Variants in OTUD7B observed in about 807,000 individuals in gnomAD.
OTUD7B encodes the protein OTU deubiquitinase 7B, also known as OTU domain-containing protein 7B.
A neutral mutation model predicts 82.2 loss-of-function variants in OTUD7B; 34 were observed. The observed-to-expected ratio is 0.41, with a 90% CI of 0.31 to 0.55. The LOEUF (loss-of-function observed/expected upper bound fraction) is 0.55. OTUD7B is among the 20% of genes least tolerant of loss of function. The probability of loss-of-function intolerance (pLI) is 0.20; values close to 1 mark genes in which losing one functional copy is unlikely to be tolerated. For synonymous variants in OTUD7B, 398 were observed against 402.7 expected, an observed-to-expected ratio of 0.99 and a Z score of 0.14; for missense variants, 944 against 1,062.1, an observed-to-expected ratio of 0.89 and a Z score of 1.55.
At chr1:149,983,228 G>A (rs11205308) in intron 1 of OTUD7B, among the ~76,000 whole-genome samples, 18,040 of 152,018 alleles carry the variant, frequency 0.12, 1,670 homozygotes, top group African/African-American at 0.26. Flanking sequence ...TAATTCAACA[G>A]AAGTATTTGG....
At chr1:149,983,097 C>T (rs1467478977) in intron 1 of OTUD7B, among the ~76,000 whole-genome samples, 2 of 152,076 alleles carry the variant, frequency 1.3e-5, no homozygotes, top group Non-Finnish European at 2.9e-5. Flanking sequence ...CCTCGTGATC[C>T]ACCCGCCTTG....
intron 1 of OTUD7B, among the ~76,000 whole-genome samples, chr1:150,000,796 G>A (rs1301819493): frequency 6.6e-6 from 1 of 151,868 alleles, no homozygotes; most frequent in Non-Finnish European, 1.5e-5. Context: ...CTGGTCAATA[G>A]GGCAAAACTC....
the OTUD7B span, among the ~76,000 whole-genome samples, chr1:150,024,144 A>G: frequency 6.6e-6 from 1 of 152,238 alleles, no homozygotes; most frequent in African/African-American, 2.4e-5. Context: ...ACAAGGTGGA[A>G]TAAATATTCC....
At chr1:150,041,427 C>A in the OTUD7B span, among the ~76,000 whole-genome samples, 1 of 151,990 alleles carries the variant, frequency 6.6e-6, no homozygotes, top group African/African-American at 2.4e-5. Flanking sequence ...CCGCCTCCCG[C>A]GTTCAAGCGA....
chr1:149,977,321 C>G, intron 2 of OTUD7B, 105 bp downstream of exon 2: 1 of 822,068 alleles, frequency 1.2e-6, no homozygotes, highest in Non-Finnish European at 2.1e-6. Context: ...TAGGGCCTAA[C>G]CTACACAAAG....
chr1:149,973,405 C>G (rs1489757071), intron 2 of OTUD7B, among the ~76,000 whole-genome samples: 1 of 152,142 alleles, frequency 6.6e-6, no homozygotes, highest in Non-Finnish European at 1.5e-5. Context: ...GCCTGGGTGA[C>G]AGAGTGAGAC....
the OTUD7B span, among the ~76,000 whole-genome samples, chr1:150,044,641 G>A: frequency 4.1e-4 from 62 of 150,998 alleles, no homozygotes; most frequent in African/African-American, 1.5e-3. Context: ...CTGCACTCTA[G>A]CCTGGGCAAC....
At chr1:149,976,540 G>A (rs906135550) in intron 2 of OTUD7B, among the ~76,000 whole-genome samples, 8 of 150,284 alleles carry the variant, frequency 5.3e-5, no homozygotes, top group Non-Finnish European at 1.2e-4. Context: ...GAACCCGGGA[G>A]GAGGAGGTTG....
At chr1:149,967,167 G>C (rs1649571231) in intron 4 of OTUD7B, 127 bp downstream of exon 4, 1 of 595,336 alleles carries the variant, frequency 1.7e-6, no homozygotes, top group Non-Finnish European at 3.0e-6. Flanking sequence ...TTATCCCACT[G>C]ACTCCTGACT....
intron 1 of OTUD7B, among the ~76,000 whole-genome samples, chr1:149,990,687 T>C (rs1553781856): frequency 6.6e-6 from 1 of 152,188 alleles, no homozygotes; most frequent in African/African-American, 2.4e-5. Flanking sequence ...GGAAAACATA[T>C]ACACATAGAA....
At chr1:150,049,166 G>A in the OTUD7B span, among the ~76,000 whole-genome samples, 1 of 152,136 alleles carries the variant, frequency 6.6e-6, no homozygotes, top group Non-Finnish European at 1.5e-5. Flanking sequence ...ACTTAAATCA[G>A]TTCTGAAGCT....
intron 3 of OTUD7B, among the ~76,000 whole-genome samples, chr1:149,968,251 A>G (rs1184927522): frequency 2.9e-5 from 3 of 104,482 alleles, no homozygotes; most frequent in African/African-American, 1.2e-4. Flanking sequence ...CAACAGAGCA[A>G]GACCCCGTTT....
chr1:149,980,880 G>A (rs1276457698), intron 1 of OTUD7B, among the ~76,000 whole-genome samples: 1 of 151,966 alleles, frequency 6.6e-6, no homozygotes, highest in East Asian at 1.9e-4. Flanking sequence ...AAGCATGGTC[G>A]TGTGTGCCTG....
intron 3 of OTUD7B, among the ~76,000 whole-genome samples, chr1:149,970,242 A>G (rs1649817984): frequency 6.6e-6 from 1 of 151,772 alleles, no homozygotes; most frequent in African/African-American, 2.4e-5. Flanking sequence ...TCAAGATTTA[A>G]TTATTGTAAA....
intron 1 of OTUD7B, among the ~76,000 whole-genome samples, chr1:149,984,667 A>G (rs1651013520): frequency 6.6e-6 from 1 of 152,136 alleles, no homozygotes; most frequent in Non-Finnish European, 1.5e-5. Context: ...GGAATCATAC[A>G]GGCACTTAAA....
chr1:150,044,414 G>A, the OTUD7B span, among the ~76,000 whole-genome samples: 5 of 151,860 alleles, frequency 3.3e-5, no homozygotes, highest in African/African-American at 1.2e-4. Flanking sequence ...CACCATGTTG[G>A]CCAGGCTGGT....
the OTUD7B span, among the ~76,000 whole-genome samples, chr1:150,052,610 A>G: frequency 5.9e-5 from 9 of 152,186 alleles, no homozygotes; most frequent in African/African-American, 9.7e-5. Flanking sequence ...ATTTACAGAT[A>G]AAATGTTATT....
At chr1:150,067,169 G>A in the OTUD7B span, 1 of 152,180 alleles carries the variant, frequency 6.6e-6, no homozygotes, top group African/African-American at 2.4e-5. Flanking sequence ...CGTTCCCTTT[G>A]TTCATTCATT....
chr1:149,964,808 G>A (rs113535453), intron 5 of OTUD7B, among the ~76,000 whole-genome samples: 2,886 of 151,904 alleles, frequency 0.019, 78 homozygotes, highest in African/African-American at 0.063. Context: ...TGGCCAGGCT[G>A]GTCTCGAACT....
Sources: allele counts gnomAD v4.1 joint callset (sites outside exome capture counted in the v4.1 genomes callset), GRCh38; gene constraint gnomAD v4.1.1; transcripts MANE v1.5; gene names NCBI Gene and HGNC (gene_info 2026-07-23, HGNC 2026-07-21).